The following XRN1 variants were observed in gnomAD, a reference collection of about 807,000 sequenced individuals.
XRN1 encodes strand-exchange protein 1 homolog.
A neutral mutation model predicts 222.3 loss-of-function variants in XRN1; 67 were observed. The ratio of observed to expected loss-of-function variants is 0.30; its 90% CI spans 0.25 to 0.37. XRN1 has a LOEUF of 0.37. Ranked by LOEUF, XRN1 falls within the 10% of genes least tolerant of loss-of-function variation. The probability of loss-of-function intolerance (pLI) is 1.00; values close to 1 mark genes in which losing one functional copy is unlikely to be tolerated. For missense variants in XRN1, 1,707 were observed against 2,000.2 expected, an observed-to-expected ratio of 0.85 and a Z score of 2.80; for synonymous variants, 643 against 652.4, an observed-to-expected ratio of 0.99 and a Z score of 0.22.
At chr3:142,380,505 A>G (rs2067271539) in intron 22 of XRN1, among the ~76,000 whole-genome samples, 1 of 152,036 alleles carries the variant, frequency 6.6e-6, no homozygotes, top group Non-Finnish European at 1.5e-5. Context: ...TCAGGGTGGT[A>G]TGGCCGTAGA....
At chr3:142,364,561 T>C (rs1022402657) in intron 29 of XRN1, among the ~76,000 whole-genome samples, 10 of 152,188 alleles carry the variant, frequency 6.6e-5, no homozygotes, top group African/African-American at 2.4e-4. Context: ...GTTGTATTCA[T>C]AAAGTCCAAA....
In XRN1 at chr3:142,338,346, A is replaced by G. The variant is rs113263382; in HGVS notation, c.3878-2837T>C. ...GCACTCCTGGATGACATCTCTAGAC[A>G]CGCCCTGGGCCAGAAGGGAACCTAC... On this transcript the variant is annotated intron_variant, in intron 33 of 40. Transcript: ENST00000392981. Among the ~76,000 whole-genome samples, 1,270 of 152,254 alleles carry G rather than the reference A, an allele frequency of 8.3e-3. 19 individuals carry two copies. The highest frequency in any genetic ancestry group is 0.028 in the African/African-American group (1,159 of 41,528).
chr3:142,398,698 C>T (rs1315589077), intron 19 of XRN1, among the ~76,000 whole-genome samples: 3 of 152,066 alleles, frequency 2.0e-5, no homozygotes, highest in African/African-American at 7.2e-5. Flanking sequence ...AACAGTTTAA[C>T]CTGAATCTAA....
rs982759565 is a variant in XRN1 at position 142,309,657 on chromosome 3, C to T, written c.*1854G>A. 2.6e-5 allele frequency: 4 copies of T among 152,186 alleles called. No homozygotes were observed. Among genetic ancestry groups the T allele is most frequent in the East Asian group, 3.9e-4 (2 of 5,194 alleles). The allele number at this position is 152,186 out of a possible 1,614,324, so 9.4% of individuals were successfully genotyped here. On this transcript the variant is annotated 3_prime_UTR_variant, in exon 41 of 41. Coordinates refer to ENST00000392981, the MANE Select transcript of XRN1 (RefSeq NM_001282857.2). ...GGAGTTTTCAGAAGATGGCAGGTGC[C>T]GCTTCTTCTATGCTCTAAAACAGAT...
At chr3:142,328,162 C>A (rs116427199) in intron 37 of XRN1, among the ~76,000 whole-genome samples, 2,275 of 152,220 alleles carry the variant, frequency 0.015, 38 homozygotes, top group East Asian at 0.036. Context: ...TATACAATTT[C>A]TTTTCCTTTA....
At chr3:142,368,493 A>G (rs1015067186) in intron 27 of XRN1, among the ~76,000 whole-genome samples, 5 of 152,242 alleles carry the variant, frequency 3.3e-5, no homozygotes, top group Non-Finnish European at 5.9e-5. Context: ...ATCACAGACT[A>G]AGACGTTGTA....
chr3:142,321,417 G>A (rs530759688), intron 37 of XRN1, among the ~76,000 whole-genome samples: 44 of 152,192 alleles, frequency 2.9e-4, no homozygotes, highest in African/African-American at 1.0e-3. Flanking sequence ...CATTGCGCCC[G>A]GCTATCCACT....
In XRN1 at chr3:142,384,591, C is replaced by T; in HGVS notation, c.2434G>A (p.Gly812Ser). Reference sequence around the variant, plus strand: ...CACTGTTTCTCTAGACGAACTTCACCATTTTGATTTATTTGATATTTACGA... The same window carrying T: ...CACTGTTTCTCTAGACGAACTTCACTATTTTGATTTATTTGATATTTACGA... ...TGRKYQINQN[G>S]EVRLEKQWSK... Residue 812 changes from glycine (G) to serine (S), a missense_variant, in exon 21 of 41, where the codon GGT becomes AGT. Around this residue, in one of 2 missense-constraint regions of XRN1, gnomAD observed 1,234 missense variants for 1,518.2 expected, o/e 0.81. Coordinates refer to ENST00000392981, the MANE Select transcript of XRN1 (RefSeq NM_001282857.2). 1.2e-6 allele frequency: 2 copies of T among 1,612,856 alleles called. No individual in the cohort carries two copies. Among genetic ancestry groups the T allele is most frequent in the Non-Finnish European group, 1.7e-6 (2 of 1,179,476 alleles).
intron 20 of XRN1, among the ~76,000 whole-genome samples, chr3:142,391,408 G>C (rs2067705775): frequency 6.6e-6 from 1 of 152,038 alleles, no homozygotes; most frequent in African/African-American, 2.4e-5. Flanking sequence ...TACTTTTACT[G>C]CTTTGGGGTC....
chr3:142,357,006 G>C lies in XRN1; in HGVS notation c.3578C>G (p.Pro1193Arg). 1 of 1,614,032 alleles carries C rather than the reference G, an allele frequency of 6.2e-7. No individual in the cohort carries two copies. The change falls in exon 31 of 41, where the codon CCA (proline) becomes CGA (arginine). Residue 1193 changes from proline (P) to arginine (R), a missense_variant. By Grantham distance (103) the Pro-to-Arg change is moderately radical (BLOSUM62 -2). Around this residue, in one of 2 missense-constraint regions of XRN1, gnomAD observed 1,234 missense variants for 1,518.2 expected, o/e 0.81. Transcript: ENST00000392981. ...QKLTAIVKPQ[P>R]AVHQHSSSSS... ...ACTTGAGCTATGTTGATGTACAGCTGGTTGTGGTTTTACGATGGCTGTCAA... is the reference window on the plus strand; with the variant it reads ...ACTTGAGCTATGTTGATGTACAGCTCGTTGTGGTTTTACGATGGCTGTCAA...
At chr3:142,359,837 G>C in intron 30 of XRN1, 25 bp downstream of exon 30, 1 of 1,517,274 alleles carries the variant, frequency 6.6e-7, no homozygotes, top group Non-Finnish European at 9.0e-7. Flanking sequence ...TTCACAAAGG[G>C]CAATTATCAT....
chr3:142,425,252 T>C lies in XRN1; in HGVS notation c.597A>G (p.Arg199=). The stretch of plus-strand genomic sequence containing the variant: ...CAGCATCTAAACCATAAAGACAGTG[T>C]CTGGTGTTTGGATCATGATCTGGCT... The part of the protein sequence containing the change: ...KAKPDHDPNT[R]HCLYGLDADL... The change falls in exon 5 of 41, where the codon AGA becomes AGG. Residue 199 remains arginine, a synonymous_variant. Transcript: ENST00000392981. 6.2e-7 allele frequency: 1 copy of C among 1,602,560 alleles called. No individual in the cohort carries two copies. The highest frequency in any genetic ancestry group is 8.5e-7 in the Non-Finnish European group (1 of 1,174,752).
At chr3:142,408,807 C>T (rs1284310140) in intron 15 of XRN1, among the ~76,000 whole-genome samples, 3 of 152,176 alleles carry the variant, frequency 2.0e-5, no homozygotes, top group Non-Finnish European at 4.4e-5. Flanking sequence ...ATCTTATACT[C>T]CCATTAGCAG....
chr3:142,313,443 T>C (rs960027782), intron 39 of XRN1, among the ~76,000 whole-genome samples: 5 of 152,288 alleles, frequency 3.3e-5, no homozygotes, highest in African/African-American at 4.8e-5. Context: ...TTAAGCTCCA[T>C]AGGCGATTCT....
In XRN1 at chr3:142,425,209, A is replaced by T; in HGVS notation, c.627+13T>A. On this transcript the variant is annotated intron_variant, in intron 5 of 40. Transcript: ENST00000392981. ...TCAATGCATAAGTTTATAATAATAA[A>T]AATTATACCTACCAAGTCAGCATCT... The T allele has an allele frequency of 3.3e-6, 5 of 1,526,174 alleles. No homozygotes were observed. Among genetic ancestry groups the T allele is most frequent in the Non-Finnish European group, 4.4e-6 (5 of 1,133,430 alleles). The allele number at this position is 1,526,174 out of a possible 1,614,324, so 94.5% of individuals were successfully genotyped here. A position where few individuals can be genotyped will look rare whatever the true frequency, so the allele number is the denominator to read the frequency against.
intron 20 of XRN1, among the ~76,000 whole-genome samples, chr3:142,392,142 A>G (rs560284165): frequency 5.3e-5 from 8 of 151,796 alleles, no homozygotes; most frequent in Non-Finnish European, 1.0e-4. Flanking sequence ...GGGGTAGGAG[A>G]GTGTTTTGGT....
At position 142,306,901 on chromosome 3, in the gene XRN1, T is replaced by C. The variant is rs527793924; in HGVS notation, c.*4610A>G. 2 of 152,800 alleles carry C rather than the reference T, an allele frequency of 1.3e-5. No homozygotes were observed. The highest frequency in any genetic ancestry group is 1.9e-4 in the East Asian group (1 of 5,192). The allele number at this position is 152,800 out of a possible 1,614,324, so 9.5% of individuals were successfully genotyped here. A position where few individuals can be genotyped will look rare whatever the true frequency, so the allele number is the denominator to read the frequency against. ...TTGAATTTTTAATAAAATACTTCTCTGTATAAGATCTAATGAAAAATTCCA... is the reference window on the plus strand; with the variant it reads ...TTGAATTTTTAATAAAATACTTCTCCGTATAAGATCTAATGAAAAATTCCA... On this transcript the variant is annotated 3_prime_UTR_variant, in exon 41 of 41. Transcript: ENST00000392981.
intron 21 of XRN1, 42 bp downstream of exon 21, chr3:142,384,481 T>C (rs371698100): frequency 4.1e-5 from 62 of 1,512,030 alleles, no homozygotes; most frequent in East Asian, 2.3e-4. Flanking sequence ...AGTGTATTAA[T>C]AGTGTATATT....
At position 142,309,947 on chromosome 3, in the gene XRN1, A is replaced by G. The variant is rs1263843020; in HGVS notation, c.*1564T>C. On this transcript the variant is annotated 3_prime_UTR_variant, in exon 41 of 41. Transcript: ENST00000392981. ...CATTACTCAAGATCCCACTACAGAT[A>G]AAGAAACAATGTTGGGAACTGATAA... 1 of 152,614 alleles carries G rather than the reference A, an allele frequency of 6.6e-6. No homozygotes were observed. Among genetic ancestry groups the G allele is most frequent in the African/African-American group, 2.4e-5 (1 of 41,466 alleles). 9.5% of individuals were successfully genotyped at this position (152,614 alleles called of 1,614,324 possible). A position where few individuals can be genotyped will look rare whatever the true frequency, so the allele number is the denominator to read the frequency against.
Sources: allele counts gnomAD v4.1 joint callset (sites outside exome capture counted in the v4.1 genomes callset), GRCh38; gene constraint gnomAD v4.1.1; regional missense constraint gnomAD v4.1.1; transcripts MANE v1.5; gene names NCBI Gene and HGNC (gene_info 2026-07-23, HGNC 2026-07-21).